DISC1: variants seen among roughly 807,000 people sequenced by gnomAD.
DISC1 encodes the protein disrupted in schizophrenia 1 protein.
A neutral mutation model predicts 84.5 loss-of-function variants in DISC1; 57 were observed. That is an observed-to-expected ratio of 0.67 (90% CI 0.55 to 0.84). The LOEUF (loss-of-function observed/expected upper bound fraction) is 0.84, where lower values mean the gene tolerates loss of function less well. Ranked by LOEUF, DISC1 falls within the 40% of genes least tolerant of loss-of-function variation. DISC1 has a pLI of 0.00. For missense variants in DISC1, 1,000 were observed against 1,057.8 expected (o/e 0.95, Z 0.76); for synonymous variants, 411 against 415.2 (o/e 0.99, Z 0.12).
chr1:231,732,023 G>C (rs1456310676), intron 3 of DISC1, among the ~76,000 whole-genome samples: 1 of 152,212 alleles, frequency 6.6e-6, no homozygotes, highest in Non-Finnish European at 1.5e-5. Context: ...ACTTGAGACA[G>C]CTTCTTCAGA....
rs978951644 is a variant in DISC1, at chr1:231,830,890, C to T, written c.1981+12373C>T. Among the ~76,000 whole-genome samples, 31 of 152,042 alleles carry T rather than the reference C, an allele frequency of 2.0e-4. 1 individual carries two copies. The highest frequency in any genetic ancestry group is 5.1e-4 in the African/African-American group (21 of 41,404). On this transcript the variant is annotated intron_variant, in intron 9 of 12. Coordinates refer to ENST00000439617, the MANE Select transcript of DISC1 (RefSeq NM_018662.3). ...TAGTCTGTTCTACCTTTCCTGAAGA[C>T]GGAGGACCGTAAGGGATATAAAGGT... is the stretch of plus-strand genomic sequence containing the variant.
intron 10 of DISC1, among the ~76,000 whole-genome samples, chr1:231,984,097 A>T (rs1357581950): frequency 2.0e-5 from 3 of 152,232 alleles, no homozygotes; most frequent in South Asian, 4.1e-4. Flanking sequence ...GACTCCATAA[A>T]GTCATTACTG....
At chr1:231,852,013 C>G (rs2125901911) in intron 9 of DISC1, among the ~76,000 whole-genome samples, 1 of 152,168 alleles carries the variant, frequency 6.6e-6, no homozygotes, top group Admixed American at 6.5e-5. Flanking sequence ...GGGACCTGTC[C>G]AGGACCTTCT....
At chr1:231,797,503 G>T (rs2125623274) in intron 7 of DISC1, among the ~76,000 whole-genome samples, 1 of 152,284 alleles carries the variant, frequency 6.6e-6, no homozygotes, top group Non-Finnish European at 1.5e-5. Context: ...ACAGGCTGCA[G>T]ACGGTTGACT....
chr1:231,691,429 C>CA (rs373818345), intron 1 of DISC1, among the ~76,000 whole-genome samples: 13,198 of 139,934 alleles, frequency 0.094, 1,203 homozygotes, highest in African/African-American at 0.24. Context: ...GAGACTGTCT[C>CA]AAAAAAAAAA....
intron 8 of DISC1, among the ~76,000 whole-genome samples, chr1:231,813,813 T>C (rs1266148663): frequency 2.0e-5 from 3 of 152,192 alleles, no homozygotes; most frequent in Non-Finnish European, 1.5e-5. Flanking sequence ...CCTCAGTCTC[T>C]CCTTCTGGAA....
intron 10 of DISC1, among the ~76,000 whole-genome samples, chr1:231,970,123 G>A (rs1661742009): frequency 6.6e-6 from 1 of 152,148 alleles, no homozygotes; most frequent in Non-Finnish European, 1.5e-5. Flanking sequence ...CCAGTAATGA[G>A]ATGGCTGGGT....
intron 8 of DISC1, among the ~76,000 whole-genome samples, chr1:231,810,005 G>A (rs540491459): frequency 1.1e-4 from 17 of 152,230 alleles, no homozygotes; most frequent in Non-Finnish European, 1.9e-4. Context: ...AACCCCTAAT[G>A]ATATAATCTA....
chr1:231,980,385 A>G (rs1363322296), intron 10 of DISC1, among the ~76,000 whole-genome samples: 4 of 152,172 alleles, frequency 2.6e-5, no homozygotes, highest in Non-Finnish European at 5.9e-5. Context: ...AATCCTCTTT[A>G]GATTTTAGAT....
chr1:231,876,172 AT>A (rs2085872843), intron 9 of DISC1, among the ~76,000 whole-genome samples: 2 of 152,270 alleles, frequency 1.3e-5, no homozygotes, highest in South Asian at 4.1e-4. Context: ...ATGAGGGTGG[AT>A]CCTTCATGAA....
chr1:231,923,046 G>A (rs1183438963), intron 9 of DISC1, among the ~76,000 whole-genome samples: 3 of 152,096 alleles, frequency 2.0e-5, no homozygotes, highest in Non-Finnish European at 4.4e-5. Flanking sequence ...GGGAGGCCGA[G>A]GCGGGCAGAT....
chr1:231,711,860 A>G (rs1272034141), intron 3 of DISC1, among the ~76,000 whole-genome samples: 1 of 152,200 alleles, frequency 6.6e-6, no homozygotes, highest in African/African-American at 2.4e-5. Context: ...GGTAGGCTGA[A>G]TGATACCCAT....
At chr1:231,798,709 C>T (rs1055049415) in intron 7 of DISC1, among the ~76,000 whole-genome samples, 2 of 152,060 alleles carry the variant, frequency 1.3e-5, no homozygotes, top group Non-Finnish European at 2.9e-5. Flanking sequence ...TTTGGACATG[C>T]GGATGCCCAA....
At chr1:231,753,848 A>G (rs368237718) in intron 4 of DISC1, among the ~76,000 whole-genome samples, 3 of 152,306 alleles carry the variant, frequency 2.0e-5, no homozygotes, top group South Asian at 2.1e-4. Flanking sequence ...CTGCTTAGAA[A>G]TGTCTTCCAC....
At chr1:231,740,700 G>A (rs1478422195) in intron 3 of DISC1, among the ~76,000 whole-genome samples, 1 of 152,120 alleles carries the variant, frequency 6.6e-6, no homozygotes, top group Non-Finnish European at 1.5e-5. Context: ...TATATAATGA[G>A]ATATCTTCAG....
chr1:231,691,322 T>C (rs899355429), intron 1 of DISC1, among the ~76,000 whole-genome samples: 27 of 151,818 alleles, frequency 1.8e-4, no homozygotes, highest in African/African-American at 6.0e-4. Flanking sequence ...TCCCAGCTAC[T>C]TGGGAGGCTG....
chr1:231,933,312 T>C (rs1386712548), intron 9 of DISC1, among the ~76,000 whole-genome samples: 1 of 152,224 alleles, frequency 6.6e-6, no homozygotes, highest in Non-Finnish European at 1.5e-5. Flanking sequence ...TTTAACCACC[T>C]ACACTGACAG....
At chr1:231,721,469 A>G (rs2069689267) in intron 3 of DISC1, among the ~76,000 whole-genome samples, 1 of 152,218 alleles carries the variant, frequency 6.6e-6, no homozygotes. Flanking sequence ...TATTTATGAA[A>G]TCAGATATAT....
chr1:231,711,923 T>G (rs1276788193), intron 3 of DISC1, among the ~76,000 whole-genome samples: 1 of 152,208 alleles, frequency 6.6e-6, no homozygotes, highest in Non-Finnish European at 1.5e-5. Flanking sequence ...AATGTTACCA[T>G]ATTTGGAAAA....
Sources: allele counts gnomAD v4.1 joint callset (sites outside exome capture counted in the v4.1 genomes callset), GRCh38; gene constraint gnomAD v4.1.1; transcripts MANE v1.5; gene names NCBI Gene and HGNC (gene_info 2026-07-23, HGNC 2026-07-21).